LARS2: variants seen among roughly 807,000 people sequenced by gnomAD.
LARS2 encodes leucine--tRNA ligase, mitochondrial.
Under a neutral mutation model 116.6 loss-of-function variants are expected in LARS2, and 81 were observed. The ratio of observed to expected loss-of-function variants is 0.69; its 90% confidence interval spans 0.58 to 0.84. LARS2 has a LOEUF of 0.84. LARS2 is among the 40% of genes least tolerant of loss of function. The pLI, the probability that LARS2 is intolerant of heterozygous loss-of-function variation, is 0.00. For missense variants in LARS2, 968 were observed against 1,114.5 expected (o/e 0.87, Z 1.87); for synonymous variants, 396 against 407.2 (o/e 0.97, Z 0.33).
chr3:45,439,044 T>C (rs937265816), intron 6 of LARS2, among the ~76,000 whole-genome samples: 1 of 152,028 alleles, frequency 6.6e-6, no homozygotes, highest in Non-Finnish European at 1.5e-5. Flanking sequence ...AAGGACCATT[T>C]AGTAGCATCT....
chr3:45,425,762 T>G (rs944476571), intron 6 of LARS2, among the ~76,000 whole-genome samples: 17 of 152,234 alleles, frequency 1.1e-4, no homozygotes, highest in Non-Finnish European at 2.1e-4. Context: ...GCTTTTAAGA[T>G]GAAGTCTCTT....
At chr3:45,416,144 T>TG (rs1698417834) in intron 4 of LARS2, among the ~76,000 whole-genome samples, 1 of 150,100 alleles carries the variant, frequency 6.7e-6, no homozygotes, top group South Asian at 2.1e-4. Flanking sequence ...CTTCAGTAGT[T>TG]GGGCATGGTG....
At chr3:45,491,400 G>A (rs1354977539) in intron 12 of LARS2, 117 bp from the exon 13 acceptor site, 7 of 1,099,422 alleles carry the variant, frequency 6.4e-6, no homozygotes, top group South Asian at 1.5e-5. Context: ...ACACAGCTCT[G>A]CACAGAACTG....
At chr3:45,449,694 A>T (rs1021780662) in intron 7 of LARS2, among the ~76,000 whole-genome samples, 1 of 152,236 alleles carries the variant, frequency 6.6e-6, no homozygotes, top group African/African-American at 2.4e-5. Flanking sequence ...GCCTTAAAAC[A>T]GAAAACATTG....
At position 45,480,397 on chromosome 3, in the gene LARS2, T is replaced by G. The variant is rs1445504648; in HGVS notation, c.1018+3770T>G. 2.0e-5 allele frequency among the ~76,000 whole-genome samples: 3 copies of G among 152,256 alleles called. No individual in the cohort carries two copies. In the East Asian group the frequency reaches 5.8e-4, roughly 29 times the overall value. ...TGGTGAACACCAAATGTAAGTCATTTGTCTGTTTTTCCAGAGGGTGTGAGA... is the reference window on the plus strand; with the variant it reads ...TGGTGAACACCAAATGTAAGTCATTGGTCTGTTTTTCCAGAGGGTGTGAGA... On this transcript the variant is annotated intron_variant, in intron 10 of 21. Transcript: ENST00000645846.
At chr3:45,475,561 T>C (rs1233122568) in intron 9 of LARS2, among the ~76,000 whole-genome samples, 1 of 152,254 alleles carries the variant, frequency 6.6e-6, no homozygotes, top group African/African-American at 2.4e-5. Context: ...GCATTCGGTG[T>C]GGGTCTCTGG....
chr3:45,517,934 A>G lies in LARS2; in HGVS notation c.2076A>G (p.Gln692=). The G allele has an allele frequency of 3.1e-6, 5 of 1,613,976 alleles. No homozygotes were observed. The highest frequency in any genetic ancestry group is 4.2e-6 in the Non-Finnish European group (5 of 1,179,928). The part of the protein sequence containing the change: ...TDALPGVLRW[Q]QRLWTLTTRF... ...CTCTCCCTGGGGTGCTGAGATGGCA[A>G]CAACGACTGTGGACCTTGACAACTC... The change falls in exon 18 of 22, where the codon CAA becomes CAG. Residue 692 remains glutamine (Q), a synonymous_variant. Coordinates refer to ENST00000645846, the MANE Select transcript of LARS2 (RefSeq NM_015340.4).
At chr3:45,413,182 C>G (rs1336274972) in intron 4 of LARS2, among the ~76,000 whole-genome samples, 7 of 152,174 alleles carry the variant, frequency 4.6e-5, no homozygotes, top group Non-Finnish European at 8.8e-5. Flanking sequence ...CCCTTAGGAA[C>G]GTACATGTTT....
At chr3:45,390,530 T>C (rs1472284160) in intron 1 of LARS2, among the ~76,000 whole-genome samples, 2 of 151,472 alleles carry the variant, frequency 1.3e-5, no homozygotes, top group African/African-American at 2.4e-5. Context: ...GCCAGGATGG[T>C]CTCAATCTCC....
Position 45,448,317 on chromosome 3 carries a change from A to T in LARS2, c.606+1337A>T, listed in dbSNP as rs572431161. 7.2e-5 allele frequency among the ~76,000 whole-genome samples: 11 copies of T among 152,372 alleles called. No homozygotes were observed. The South Asian group carries it at 1.4e-3, about 20-fold the overall frequency. ...AAACCACACTAGGCTGCTCCCAGTC[A>T]GCTCTGGCTGGTAGGGCCTGCTAGG... On this transcript the variant is annotated intron_variant, in intron 7 of 21. Transcript: ENST00000645846.
chr3:45,499,509 A>C (rs983037507), intron 14 of LARS2, among the ~76,000 whole-genome samples: 1 of 152,008 alleles, frequency 6.6e-6, no homozygotes, highest in Non-Finnish European at 1.5e-5. Context: ...GTAGTCCTAG[A>C]TACTTGGGAG....
intron 15 of LARS2, among the ~76,000 whole-genome samples, chr3:45,512,623 A>G (rs548720217): frequency 6.6e-6 from 1 of 152,376 alleles, no homozygotes; most frequent in South Asian, 2.1e-4. Flanking sequence ...ACCATAAAGT[A>G]TACATAAGGT....
chr3:45,450,588 T>C (rs141759976), intron 7 of LARS2, among the ~76,000 whole-genome samples: 394 of 152,344 alleles, frequency 2.6e-3, no homozygotes, highest in Non-Finnish European at 3.9e-3. Flanking sequence ...CCATAGTGTG[T>C]ATATACCACA....
At position 45,520,239 on chromosome 3, in the gene LARS2, G is replaced by C. The variant is rs368651897; in HGVS notation, c.2235G>C (p.Glu745Asp). The change falls in exon 19 of 22, where the codon GAG (glutamate) becomes GAC (aspartate). Residue 745 changes from glutamate (E) to aspartate (D), a missense_variant. Transcript: ENST00000645846. The stretch of plus-strand genomic sequence containing the variant: ...AATAGGTGACCACCCATTTCACAGA[G>C]GACTTCTCACTGAATTCTGCAATTT... ...VISQVTTHFT[E>D]DFSLNSAISQ... is the part of the protein sequence containing the mutation. 24 of 1,612,572 alleles carry C rather than the reference G, an allele frequency of 1.5e-5. No homozygotes were observed. The highest frequency in any genetic ancestry group is 1.9e-5 in the Non-Finnish European group (22 of 1,178,890).
chr3:45,436,622 G>A lies in LARS2; in HGVS notation c.517-10269G>A, dbSNP rs540906339. 1.1e-3 allele frequency among the ~76,000 whole-genome samples: 170 copies of A among 151,410 alleles called. 1 individual carries two copies. Among genetic ancestry groups the A allele is most frequent in the African/African-American group, 2.5e-3 (104 of 41,298 alleles). On this transcript the variant is annotated intron_variant, in intron 6 of 21. Transcript: ENST00000645846. Reference sequence around the variant, plus strand: ...ATCCTGGCTAACAAGGTGAAACCCCGTCTCTACTAAAAATACAAAAAATTA... The same window carrying A: ...ATCCTGGCTAACAAGGTGAAACCCCATCTCTACTAAAAATACAAAAAATTA...
rs1700311356 is a variant in LARS2, at chr3:45,512,959, C to T, written c.1761-176C>T. Among the ~76,000 whole-genome samples, 6 of 152,162 alleles carry T rather than the reference C, an allele frequency of 3.9e-5. No individual in the cohort carries two copies. In the South Asian group the frequency reaches 8.3e-4, roughly 21 times the overall value. ...GCCCAGCCTGAATTTATTTTCTTATCACTTATTTCTAAGGAGCCATTTGTT... is the reference window on the plus strand; with the variant it reads ...GCCCAGCCTGAATTTATTTTCTTATTACTTATTTCTAAGGAGCCATTTGTT... On this transcript the variant is annotated intron_variant, in intron 15 of 21. Coordinates refer to ENST00000645846, the MANE Select transcript of LARS2 (RefSeq NM_015340.4).
At chr3:45,505,662 C>A (rs572399898) in intron 15 of LARS2, among the ~76,000 whole-genome samples, 2 of 152,046 alleles carry the variant, frequency 1.3e-5, no homozygotes, top group Admixed American at 6.6e-5. Flanking sequence ...GCACGCTAGC[C>A]TATGCAACAA....
rs931510604 is a variant in LARS2, at chr3:45,460,910, C to T, written c.750+2024C>T. ...GCCTGAGTGGTTCAAAAGGAACTTA[C>T]AGAACAAAACTCAACATCTTTAAAG... On this transcript the variant is annotated intron_variant, in intron 8 of 21. Transcript: ENST00000645846. 1.4e-4 allele frequency among the ~76,000 whole-genome samples: 21 copies of T among 152,090 alleles called. 1 individual carries two copies. In the East Asian group the frequency reaches 3.8e-3, roughly 28 times the overall value.
intron 19 of LARS2, among the ~76,000 whole-genome samples, chr3:45,521,569 CAGA>C (rs1341731412): frequency 1.3e-5 from 2 of 152,040 alleles, no homozygotes; most frequent in East Asian, 1.9e-4. Flanking sequence ...ACATGTCAGA[CAGA>C]AGGTTAATAT....
Sources: allele counts gnomAD v4.1 joint callset (sites outside exome capture counted in the v4.1 genomes callset), GRCh38; gene constraint gnomAD v4.1.1; transcripts MANE v1.5; gene names NCBI Gene and HGNC (gene_info 2026-07-23, HGNC 2026-07-21).